Variants in BMPR1B observed in about 807,000 individuals in gnomAD.
The protein encoded by BMPR1B is bone morphogenetic protein receptor type-1B.
In BMPR1B, 12 loss-of-function variants were observed where a neutral mutation model predicts 59.1. The ratio of observed to expected loss-of-function variants is 0.20; its 90% CI spans 0.13 to 0.33. BMPR1B has a LOEUF of 0.33. Ranked by LOEUF, BMPR1B falls within the 10% of genes least tolerant of loss-of-function variation. The pLI is 1.00. For synonymous variants in BMPR1B, 237 were observed against 207.3 expected, an observed-to-expected ratio of 1.14 and a Z score of -1.23; for missense variants, 550 against 610.9, an observed-to-expected ratio of 0.90 and a Z score of 1.05.
chr4:94,898,069 C>T (rs1191288043), intron 2 of BMPR1B, among the ~76,000 whole-genome samples: 1 of 151,078 alleles, frequency 6.6e-6, no homozygotes, highest in Non-Finnish European at 1.5e-5. Context: ...ACCTCAGCCT[C>T]CTGAATAGCT....
At chr4:94,912,964 CT>C (rs3836569) in intron 2 of BMPR1B, among the ~76,000 whole-genome samples, 1 of 150,906 alleles carries the variant, frequency 6.6e-6, no homozygotes, top group East Asian at 1.9e-4. Flanking sequence ...TGGTGTGCTG[CT>C]TTTTTTTTCC....
chr4:94,920,195 A>G (rs1578802846), intron 2 of BMPR1B, among the ~76,000 whole-genome samples: 2 of 152,312 alleles, frequency 1.3e-5, no homozygotes, highest in South Asian at 4.1e-4. Context: ...AAATTCTTTT[A>G]AATTAAAACT....
At chr4:94,906,402 T>C (rs1408147359) in intron 2 of BMPR1B, among the ~76,000 whole-genome samples, 2 of 152,088 alleles carry the variant, frequency 1.3e-5, no homozygotes, top group Non-Finnish European at 2.9e-5. Flanking sequence ...TCGTGTCTTA[T>C]ATGGGGAAAA....
At chr4:95,119,218 T>G (rs1437700811) in intron 6 of BMPR1B, among the ~76,000 whole-genome samples, 1 of 152,304 alleles carries the variant, frequency 6.6e-6, no homozygotes, top group East Asian at 1.9e-4. Context: ...TTTTGCAAAA[T>G]CTTTCGTTAT....
chr4:94,858,345 G>A (rs941063602), intron 1 of BMPR1B, among the ~76,000 whole-genome samples: 1 of 152,124 alleles, frequency 6.6e-6, no homozygotes, highest in Non-Finnish European at 1.5e-5. Flanking sequence ...CAATAGAAAT[G>A]CAATGCTTTT....
intron 6 of BMPR1B, 98 bp downstream of exon 6, chr4:95,115,885 T>C: frequency 9.1e-7 from 1 of 1,101,496 alleles, no homozygotes; most frequent in Non-Finnish European, 1.4e-6. Context: ...CTGTACCACT[T>C]TCCACTGCTG....
intron 2 of BMPR1B, among the ~76,000 whole-genome samples, chr4:94,925,060 T>A (rs1560549991): frequency 6.6e-6 from 1 of 152,084 alleles, no homozygotes; most frequent in African/African-American, 2.4e-5. Flanking sequence ...ACATATTAGA[T>A]CATGCTTGTC....
At chr4:95,050,171 C>A (rs1387180762) in intron 3 of BMPR1B, among the ~76,000 whole-genome samples, 1 of 152,138 alleles carries the variant, frequency 6.6e-6, no homozygotes. Context: ...TCCCACATAA[C>A]CCTCTGCTCC....
At chr4:94,934,928 A>G (rs1011974215) in intron 2 of BMPR1B, among the ~76,000 whole-genome samples, 4 of 152,088 alleles carry the variant, frequency 2.6e-5, no homozygotes, top group African/African-American at 7.2e-5. Flanking sequence ...GAGGATCCCA[A>G]TTATTACAGA....
At chr4:94,830,263 A>T (rs1347354140) in intron 1 of BMPR1B, among the ~76,000 whole-genome samples, 2 of 152,174 alleles carry the variant, frequency 1.3e-5, no homozygotes, top group African/African-American at 4.8e-5. Flanking sequence ...TTTTTGACTT[A>T]AGACATTCAG....
At chr4:94,962,092 C>T (rs1025392108) in intron 2 of BMPR1B, among the ~76,000 whole-genome samples, 12 of 130,390 alleles carry the variant, frequency 9.2e-5, no homozygotes, top group Non-Finnish European at 1.2e-4. Flanking sequence ...TCCTTCCTTC[C>T]TTCCTTCCTT....
chr4:95,136,667 ATT>A lies in BMPR1B; in HGVS notation c.1076+5157_1076+5158del, dbSNP rs1733814271. Reference sequence around the variant, plus strand: ...GGTGTATGTGTCGAGGAATTTATCCATTTCTTCTATTTTCTAGTTTATTTGCG... The same window carrying A: ...GGTGTATGTGTCGAGGAATTTATCCATCTTCTATTTTCTAGTTTATTTGCG... On this transcript the variant is annotated intron_variant, in intron 10 of 12. Transcript: ENST00000515059. Among the ~76,000 whole-genome samples the A allele has an allele frequency of 2.0e-5, 3 of 152,066 alleles. No homozygotes were observed. The South Asian group carries it at 6.2e-4, about 32-fold the overall frequency.
At chr4:94,836,497 T>C (rs1443803198) in intron 1 of BMPR1B, among the ~76,000 whole-genome samples, 6 of 144,642 alleles carry the variant, frequency 4.1e-5, no homozygotes, top group Admixed American at 1.4e-4. Context: ...TTTGCATTTC[T>C]CTGATGGCCA....
chr4:94,942,084 G>T (rs1488278523), intron 2 of BMPR1B, among the ~76,000 whole-genome samples: 1 of 152,222 alleles, frequency 6.6e-6, no homozygotes, highest in Non-Finnish European at 1.5e-5. Context: ...GGTAGAAGTG[G>T]CAGGTCTCAG....
At chr4:94,927,255 T>C (rs1222907213) in intron 2 of BMPR1B, among the ~76,000 whole-genome samples, 1 of 152,198 alleles carries the variant, frequency 6.6e-6, no homozygotes, top group Non-Finnish European at 1.5e-5. Flanking sequence ...AGTGTTACTA[T>C]GATCAGATCA....
Position 95,030,938 on chromosome 4 carries a change from A to C in BMPR1B, c.-18+34804A>C, listed in dbSNP as rs533726834. 2.0e-5 allele frequency among the ~76,000 whole-genome samples: 3 copies of C among 152,234 alleles called. No individual in the cohort carries two copies. In the South Asian group the frequency reaches 6.2e-4, roughly 32 times the overall value. On this transcript the variant is annotated intron_variant, in intron 3 of 12. Coordinates refer to ENST00000515059, the MANE Select transcript of BMPR1B (RefSeq NM_001203.3). ...AAGAATCAGTATCGTGAAAATGGCC[A>C]TACTGCCCAAGGTAATTTATAGATT...
chr4:94,982,324 A>G (rs1328127494), intron 2 of BMPR1B, among the ~76,000 whole-genome samples: 1 of 152,130 alleles, frequency 6.6e-6, no homozygotes, highest in Admixed American at 6.5e-5. Flanking sequence ...CAAAACAAAC[A>G]AACCAAATAT....
intron 1 of BMPR1B, among the ~76,000 whole-genome samples, chr4:94,863,749 A>G (rs1289998849): frequency 6.6e-6 from 1 of 152,238 alleles, no homozygotes; most frequent in African/African-American, 2.4e-5. Flanking sequence ...ACTCAAACTT[A>G]TTTCAGAAAT....
chr4:94,985,859 A>G (rs1157425631), intron 2 of BMPR1B, among the ~76,000 whole-genome samples: 1 of 152,188 alleles, frequency 6.6e-6, no homozygotes, highest in Non-Finnish European at 1.5e-5. Context: ...CAAATGAAAG[A>G]GCACTTATAA....
Sources: allele counts gnomAD v4.1 joint callset (sites outside exome capture counted in the v4.1 genomes callset), GRCh38; gene constraint gnomAD v4.1.1; transcripts MANE v1.5; gene names NCBI Gene and HGNC (gene_info 2026-07-23, HGNC 2026-07-21).